The following UBE2W variants were observed in gnomAD, a reference collection of about 807,000 sequenced individuals.
UBE2W encodes the protein ubiquitin-conjugating enzyme E2 W.
A neutral mutation model predicts 27.2 loss-of-function variants in UBE2W; 18 were observed. The observed-to-expected ratio is 0.66, with a 90% CI of 0.46 to 0.98. UBE2W has a LOEUF of 0.98. Ranked by LOEUF, UBE2W falls within the 50% of genes least tolerant of loss-of-function variation. The pLI is 0.00. For synonymous variants in UBE2W, 53 were observed against 57.2 expected (o/e 0.93, Z 0.33); for missense variants, 90 against 180.2 (o/e 0.50, Z 2.87).
chr8:73,813,020 A>AG (rs1809222109), intron 3 of UBE2W, among the ~76,000 whole-genome samples: 2 of 127,504 alleles, frequency 1.6e-5, no homozygotes, highest in Non-Finnish European at 3.3e-5. Flanking sequence ...AAAAAAAAAA[A>AG]GATATTTTTC....
At position 73,787,330 on chromosome 8, in the gene UBE2W, T is replaced by C. The variant is rs1807997275; in HGVS notation, c.*6772A>G. 2 of 985,264 alleles carry C rather than the reference T, an allele frequency of 2.0e-6. No individual in the cohort carries two copies. The allele number at this position is 985,264 out of a possible 1,614,324, so 61.0% of individuals were successfully genotyped here. A position where few individuals can be genotyped will look rare whatever the true frequency, so the allele number is the denominator to read the frequency against. On this transcript the variant is annotated 3_prime_UTR_variant, in exon 6 of 6. Coordinates refer to ENST00000602593, the MANE Select transcript of UBE2W (RefSeq NM_018299.6). ...TTAGTGTGAAAATGAGTAAGAAATA[T>C]AGGGAGGACATAAACAGAGTCACTT...
intron 1 of UBE2W, among the ~76,000 whole-genome samples, chr8:73,858,447 A>G (rs1477347814): frequency 6.6e-6 from 1 of 151,780 alleles, no homozygotes; most frequent in Non-Finnish European, 1.5e-5. Context: ...AAGTACAAAT[A>G]CTGACTTATA....
In UBE2W at chr8:73,825,173, T is replaced by C; in HGVS notation, c.184A>G (p.Ser62Gly). The C allele has an allele frequency of 1.3e-6, 2 of 1,557,682 alleles. No individual in the cohort carries two copies. The highest frequency in any genetic ancestry group is 1.7e-6 in the Non-Finnish European group (2 of 1,149,656). The change falls in exon 3 of 6, where the codon AGT becomes GGT. Residue 62 changes from serine (S) to glycine (G), a missense_variant. Ser to Gly is a moderately conservative substitution (Grantham distance 56). Coordinates refer to ENST00000602593, the MANE Select transcript of UBE2W (RefSeq NM_018299.6). ...TGAGGAGAGTCAAAAGGATATCGAC[T>C]ACTAAATTTAAATAGAAGTTGAAAT... ...EKFQLLFKFS[S>G]RYPFDSPQVM...
At chr8:73,851,040 A>G (rs1318172938) in intron 1 of UBE2W, among the ~76,000 whole-genome samples, 1 of 151,914 alleles carries the variant, frequency 6.6e-6, no homozygotes, top group Non-Finnish European at 1.5e-5. Context: ...TTGTAGAGAT[A>G]GGATTGCGCC....
exon 5 of UBE2W, chr8:73,780,485 C>T: frequency 2.2e-6 from 1 of 452,250 alleles, no homozygotes; most frequent in South Asian, 1.6e-5. Flanking sequence ...ATGATTCAAT[C>T]CGTAATAGAT....
chr8:73,861,100 C>T (rs768454991), intron 1 of UBE2W, among the ~76,000 whole-genome samples: 1 of 152,120 alleles, frequency 6.6e-6, no homozygotes, highest in Non-Finnish European at 1.5e-5. Context: ...TCCTGGGCAA[C>T]AGAGTGAGGT....
At position 73,790,170 on chromosome 8, in the gene UBE2W, A is replaced by T. The variant is rs16938728; in HGVS notation, c.*3932T>A. 0.012 allele frequency: 11,523 copies of T among 984,990 alleles called. 954 individuals carry two copies. The African/African-American group carries it at 0.18, about 15-fold the overall frequency. 61.0% of individuals were successfully genotyped at this position (984,990 alleles called of 1,614,324 possible). ...ATTTTAATAATCGTCCTTCTGTAGA[A>T]TCCCTAACCTCAGAAAAAAAAAAGA... On this transcript the variant is annotated 3_prime_UTR_variant, in exon 6 of 6. Coordinates refer to ENST00000602593, the MANE Select transcript of UBE2W (RefSeq NM_018299.6).
intron 1 of UBE2W, among the ~76,000 whole-genome samples, chr8:73,866,963 C>T (rs945619636): frequency 7.3e-5 from 11 of 151,132 alleles, no homozygotes; most frequent in African/African-American, 2.7e-4. Flanking sequence ...CGAGATCACG[C>T]CACCGCACTC....
intron 1 of UBE2W, chr8:73,831,755 A>G (rs1303867956): frequency 6.6e-6 from 1 of 151,662 alleles, no homozygotes; most frequent in Non-Finnish European, 1.5e-5. Flanking sequence ...ACAGGGTCTC[A>G]CTATGTTGCA....
At chr8:73,866,268 T>TAAAAAAAAA (rs10568367) in intron 1 of UBE2W, among the ~76,000 whole-genome samples, 5 of 42,308 alleles carry the variant, frequency 1.2e-4, no homozygotes, top group African/African-American at 3.0e-4. Flanking sequence ...AGACTTGGTC[T>TAAAAAAAAA]AAAAAAAAAA....
chr8:73,821,554 T>TGG (rs1458421316), intron 3 of UBE2W, among the ~76,000 whole-genome samples: 2 of 1,364 alleles, frequency 1.5e-3, no homozygotes, highest in East Asian at 0.024. Flanking sequence ...GGAGTGTGTG[T>TGG]GTGGGGGGGG....
At chr8:73,807,208 A>C (rs1808946464) in intron 4 of UBE2W, among the ~76,000 whole-genome samples, 1 of 152,222 alleles carries the variant, frequency 6.6e-6, no homozygotes. Flanking sequence ...CCTATCATTA[A>C]ATATTGTATA....
At chr8:73,786,090 T>A, downstream of UBE2W, 1 of 531,760 alleles carries the variant, frequency 1.9e-6, no homozygotes, top group Non-Finnish European at 2.4e-6. Context: ...TTTTAAACTC[T>A]ATGTCAGGTT....
intron 1 of UBE2W, among the ~76,000 whole-genome samples, chr8:73,847,683 C>A (rs1208178983): frequency 6.6e-6 from 1 of 152,062 alleles, no homozygotes; most frequent in African/African-American, 2.4e-5. Context: ...AGGTGGATCA[C>A]CCGAGGTCAG....
At chr8:73,830,067 A>G (rs1016221775) in intron 2 of UBE2W, among the ~76,000 whole-genome samples, 18 of 151,608 alleles carry the variant, frequency 1.2e-4, no homozygotes, top group African/African-American at 4.4e-4. Flanking sequence ...AAAACCTCAC[A>G]CCAAACAGTT....
intron 1 of UBE2W, among the ~76,000 whole-genome samples, chr8:73,833,266 A>C (rs1810161685): frequency 6.6e-6 from 1 of 151,696 alleles, no homozygotes; most frequent in Admixed American, 6.6e-5. Flanking sequence ...TTTCCAGAGA[A>C]ACTCTAAAAG....
At chr8:73,858,983 T>C (rs13252005) in intron 1 of UBE2W, among the ~76,000 whole-genome samples, 806 of 68,132 alleles carry the variant, frequency 0.012, 13 homozygotes, top group Admixed American at 0.014. Flanking sequence ...TTTTTGCGTG[T>C]GTGTGTGTGT....
chr8:73,803,891 C>G (rs1054974126), intron 5 of UBE2W, among the ~76,000 whole-genome samples: 1 of 151,862 alleles, frequency 6.6e-6, no homozygotes, highest in African/African-American at 2.4e-5. Flanking sequence ...CTCGGCCTCC[C>G]GAGTAACTGG....
chr8:73,864,763 C>A (rs148537258), intron 1 of UBE2W, among the ~76,000 whole-genome samples: 1 of 26,320 alleles, frequency 3.8e-5, no homozygotes, highest in South Asian at 9.2e-4. Context: ...GGGGGGGGGG[C>A]GGGGGGGGCT....
Sources: gnomAD v4.1 joint callset for allele counts (sites outside exome capture counted in the v4.1 genomes callset) on GRCh38, gnomAD v4.1.1 for gene constraint, MANE v1.5 for transcripts, NCBI Gene and HGNC (gene_info 2026-07-23, HGNC 2026-07-21) for gene names.